Variants in SLC24A4 observed in about 807,000 individuals in gnomAD.
SLC24A4 encodes sodium/potassium/calcium exchanger 4.
SLC24A4 carries 53 observed loss-of-function variants against 79.0 expected under a neutral mutation model. That is an observed-to-expected ratio of 0.67 (90% confidence interval 0.54 to 0.84). The LOEUF (loss-of-function observed/expected upper bound fraction) is 0.84. Ranked by LOEUF, SLC24A4 falls within the 40% of genes least tolerant of loss-of-function variation. The pLI, the probability that SLC24A4 is intolerant of heterozygous loss-of-function variation, is 0.00. For missense variants in SLC24A4, 731 were observed against 822.0 expected, an observed-to-expected ratio of 0.89 and a Z score of 1.35; for synonymous variants, 323 against 323.8, an observed-to-expected ratio of 1.00 and a Z score of 0.03.
chr14:92,413,375 A>C (rs1890823670), intron 2 of SLC24A4, among the ~76,000 whole-genome samples: 1 of 152,098 alleles, frequency 6.6e-6, no homozygotes, highest in Admixed American at 6.5e-5. Context: ...TTGCCTAGAA[A>C]GTGTCTCTCT....
At chr14:92,451,508 C>T (rs558907997) in intron 10 of SLC24A4, 1 of 152,388 alleles carries the variant, frequency 6.6e-6, no homozygotes, top group Non-Finnish European at 1.5e-5. Context: ...AAGCAGGTCG[C>T]TGTGTGGCCA....
intron 12 of SLC24A4, among the ~76,000 whole-genome samples, chr14:92,465,332 A>C (rs1894044025): frequency 6.6e-6 from 1 of 152,208 alleles, no homozygotes; most frequent in African/African-American, 2.4e-5. Flanking sequence ...ATGGGACAGG[A>C]CAACTTTGTC....
At chr14:92,340,303 C>T (rs1371998766) in intron 2 of SLC24A4, among the ~76,000 whole-genome samples, 6 of 152,250 alleles carry the variant, frequency 3.9e-5, no homozygotes, top group East Asian at 1.9e-4. Context: ...GAGGTAAACT[C>T]GTAATCACTG....
intron 5 of SLC24A4, 88 bp from the exon 6 acceptor site, chr14:92,442,624 AC>A: frequency 1.1e-6 from 1 of 918,186 alleles, no homozygotes; most frequent in Non-Finnish European, 1.8e-6. Context: ...TAGTAAAGCA[AC>A]CCACTTTCCT....
chr14:92,352,706 A>G (rs1017192962), intron 2 of SLC24A4, among the ~76,000 whole-genome samples: 7 of 152,204 alleles, frequency 4.6e-5, no homozygotes, highest in African/African-American at 1.7e-4. Context: ...TCCATCTGCC[A>G]AAAGTGAGGG....
chr14:92,483,819 C>T lies in SLC24A4; in HGVS notation c.1422+973C>T, dbSNP rs577434127. The T allele has an allele frequency of 1.5e-5, 19 of 1,289,964 alleles. No homozygotes were observed. In the East Asian group the frequency reaches 1.7e-4, roughly 11 times the overall value. 79.9% of individuals were successfully genotyped at this position (1,289,964 alleles called of 1,614,324 possible). On this transcript the variant is annotated intron_variant, in intron 13 of 16. Transcript: ENST00000532405. Reference sequence around the variant, plus strand: ...CCCCTTACACCCTAGTGGTTAACATCGAGTCCCTTTATTCTCCTCCTAATG... The same window carrying T: ...CCCCTTACACCCTAGTGGTTAACATTGAGTCCCTTTATTCTCCTCCTAATG...
chr14:92,417,657 C>T (rs1449637895), intron 2 of SLC24A4, among the ~76,000 whole-genome samples: 1 of 152,232 alleles, frequency 6.6e-6, no homozygotes, highest in East Asian at 1.9e-4. Context: ...CTGCAAGCTC[C>T]ATTTGTGGTA....
At chr14:92,341,640 C>T (rs1886147298) in intron 2 of SLC24A4, among the ~76,000 whole-genome samples, 1 of 152,178 alleles carries the variant, frequency 6.6e-6, no homozygotes, top group African/African-American at 2.4e-5. Context: ...GGAGAAGAAC[C>T]GTCGACGGGC....
At chr14:92,380,081 ACCTGGC>A (rs1445499571) in intron 2 of SLC24A4, among the ~76,000 whole-genome samples, 7 of 152,152 alleles carry the variant, frequency 4.6e-5, no homozygotes. Flanking sequence ...TGCCTGCTGC[ACCTGGC>A]ATAGGGGAGG....
Position 92,350,109 on chromosome 14 carries a change from CT to C in SLC24A4, c.241+24132del, listed in dbSNP as rs545031487. ...TACAGGGTTATGAATGTGTTGAGCCCTGTTGAAGTCTCTCTGTCTAGAAAGA... is the reference window on the plus strand; with the variant it reads ...TACAGGGTTATGAATGTGTTGAGCCCGTTGAAGTCTCTCTGTCTAGAAAGA... On this transcript the variant is annotated intron_variant, in intron 2 of 16. Coordinates refer to ENST00000532405, the MANE Select transcript of SLC24A4 (RefSeq NM_153646.4). Among the ~76,000 whole-genome samples, 13 of 152,292 alleles carry C rather than the reference CT, an allele frequency of 8.5e-5. No individual in the cohort carries two copies. The South Asian group carries it at 2.7e-3, about 32-fold the overall frequency.
chr14:92,418,808 T>C (rs1205828602), intron 2 of SLC24A4, among the ~76,000 whole-genome samples: 1 of 152,204 alleles, frequency 6.6e-6, no homozygotes, highest in African/African-American at 2.4e-5. Flanking sequence ...TTCAAGTGAT[T>C]CTCATGCATC....
rs1427011693 is a variant in SLC24A4, at chr14:92,496,279, CTT to C, written c.*2656_*2657del. The C allele has an allele frequency of 6.6e-6, 1 of 152,590 alleles. No individual in the cohort carries two copies. Among genetic ancestry groups the C allele is most frequent in the Non-Finnish European group, 1.5e-5 (1 of 68,022 alleles). The allele number at this position is 152,590 out of a possible 1,614,324, so 9.5% of individuals were successfully genotyped here. A position where few individuals can be genotyped will look rare whatever the true frequency, so the allele number is the denominator to read the frequency against. On this transcript the variant is annotated 3_prime_UTR_variant, in exon 17 of 17. Coordinates refer to ENST00000532405, the MANE Select transcript of SLC24A4 (RefSeq NM_153646.4). ...ATGTACACTGTAGGTGGAAAATTCTCTTTTTTAACTAAATATTTTTCCATCAC... is the reference window on the plus strand; with the variant it reads ...ATGTACACTGTAGGTGGAAAATTCTCTTTTAACTAAATATTTTTCCATCAC...
chr14:92,384,120 T>C (rs898161648), intron 2 of SLC24A4, among the ~76,000 whole-genome samples: 1 of 152,190 alleles, frequency 6.6e-6, no homozygotes, highest in Non-Finnish European at 1.5e-5. Context: ...GGTGGTTGTT[T>C]TCCCCCCAGC....
At chr14:92,370,410 C>T (rs527411859) in intron 2 of SLC24A4, among the ~76,000 whole-genome samples, 17 of 152,042 alleles carry the variant, frequency 1.1e-4, no homozygotes, top group African/African-American at 4.1e-4. Flanking sequence ...AAAGGCATTG[C>T]TATTATTATT....
At chr14:92,435,594 A>G (rs1288869533) in intron 3 of SLC24A4, among the ~76,000 whole-genome samples, 3 of 152,224 alleles carry the variant, frequency 2.0e-5, no homozygotes, top group Non-Finnish European at 4.4e-5. Flanking sequence ...CTGACCATCC[A>G]GCACCATCTG....
At chr14:92,369,940 A>G (rs532063315) in intron 2 of SLC24A4, among the ~76,000 whole-genome samples, 8 of 152,240 alleles carry the variant, frequency 5.3e-5, no homozygotes, top group Non-Finnish European at 1.0e-4. Context: ...AAAGATACTG[A>G]TGGATTTAGG....
intron 2 of SLC24A4, among the ~76,000 whole-genome samples, chr14:92,384,187 G>C (rs1889017552): frequency 6.6e-6 from 1 of 152,108 alleles, no homozygotes; most frequent in Non-Finnish European, 1.5e-5. Flanking sequence ...CAGGGTCTTT[G>C]GGGTAAAGTA....
At chr14:92,435,975 G>A (rs61977287) in intron 3 of SLC24A4, among the ~76,000 whole-genome samples, 3,921 of 152,300 alleles carry the variant, frequency 0.026, 66 homozygotes, top group South Asian at 0.046. Context: ...TGAGTGCACC[G>A]TGGGAATTTC....
intron 12 of SLC24A4, among the ~76,000 whole-genome samples, chr14:92,482,380 A>C (rs1348082877): frequency 6.6e-6 from 1 of 152,138 alleles, no homozygotes. Flanking sequence ...CATAACTCAC[A>C]TCCCCATTCC....
Sources: allele counts gnomAD v4.1 joint callset (sites outside exome capture counted in the v4.1 genomes callset), GRCh38; gene constraint gnomAD v4.1.1; transcripts MANE v1.5; gene names NCBI Gene and HGNC (gene_info 2026-07-23, HGNC 2026-07-21).